ZNF331: variants seen among roughly 807,000 people sequenced by gnomAD.
ZNF331 encodes the protein zinc finger protein 331, also known as C2H2-like zinc finger protein rearranged in thyroid adenomas.
Under a neutral mutation model 7.0 loss-of-function variants are expected in ZNF331, and 2 were observed. The ratio of observed to expected loss-of-function variants is 0.29; its 90% CI spans 0.12 to 0.90. The LOEUF (loss-of-function observed/expected upper bound fraction) is 0.90, where lower values mean the gene tolerates loss of function less well. Among genes scored for constraint, ZNF331 ranks in the 40% least tolerant of loss-of-function variants. ZNF331 has a pLI of 0.58. For synonymous variants in ZNF331, 196 were observed against 205.4 expected (o/e 0.95, Z 0.39); for missense variants, 432 against 587.7 (o/e 0.74, Z 2.74).
At position 53,571,259 on chromosome 19, in the gene ZNF331, TG is replaced by T. The variant is rs2090432427; in HGVS notation, c.10-344del. Among the ~76,000 whole-genome samples, 1 of 152,186 alleles carries T rather than the reference TG, an allele frequency of 6.6e-6. No individual in the cohort carries two copies. ...CTTCCCCCCTTAAAAGAAAAAATGC[TG>T]TAGGAATCCACACTTGTTGAGAACT... On this transcript the variant is annotated intron_variant, in intron 4 of 5. Coordinates refer to ENST00000449416, the MANE Select transcript of ZNF331 (RefSeq NM_001079906.2). The surrounding 1 kb of genome is among the most constrained non-coding windows in gnomAD (Gnocchi z 4.7).
chr19:53,505,606 G>A, the ZNF331 span, among the ~76,000 whole-genome samples: 1 of 152,180 alleles, frequency 6.6e-6, no homozygotes, highest in African/African-American at 2.4e-5. Context: ...GCTAAGGATG[G>A]TGGGGTGAAG....
At chr19:53,520,337 G>C (rs1357694942), upstream of ZNF331, among the ~76,000 whole-genome samples, 1 of 152,148 alleles carries the variant, frequency 6.6e-6, no homozygotes, top group Non-Finnish European at 1.5e-5. Flanking sequence ...GTGATTTCTG[G>C]TCGTTTCAGA....
rs139408724 is a variant in ZNF331, at chr19:53,543,407, C to T, written c.-138+4125C>T. On this transcript the variant is annotated intron_variant, in intron 2 of 5. Transcript: ENST00000449416. ...CCTCCTGAGTAGCTGGGATTACAAG[C>T]GCGCACCACCATGCCCAGCTAGTTT... is the stretch of plus-strand genomic sequence containing the variant. 2.1e-3 allele frequency among the ~76,000 whole-genome samples: 317 copies of T among 152,156 alleles called. 1 individual carries two copies. The highest frequency in any genetic ancestry group is 7.4e-3 in the African/African-American group (308 of 41,510).
At chr19:53,524,411 C>T (rs1341700251) in intron 2 of ZNF331, among the ~76,000 whole-genome samples, 8 of 152,284 alleles carry the variant, frequency 5.3e-5, no homozygotes, top group Non-Finnish European at 1.2e-4. Context: ...TTCTCCACAT[C>T]CTCTCTAGCA....
chr19:53,551,728 C>T lies in ZNF331; in HGVS notation c.-137-4117C>T, dbSNP rs1054256697. 7.2e-5 allele frequency among the ~76,000 whole-genome samples: 11 copies of T among 152,132 alleles called. 1 individual carries two copies. The highest frequency in any genetic ancestry group is 2.2e-4 in the African/African-American group (9 of 41,420). On this transcript the variant is annotated intron_variant, in intron 2 of 5. Coordinates refer to ENST00000449416, the MANE Select transcript of ZNF331 (RefSeq NM_001079906.2). The stretch of plus-strand genomic sequence containing the variant: ...TTGAACATGTACAGACTTTTCTTCT[C>T]ATTATTCTAAACCATACAGTATGAA...
intron 3 of ZNF331, among the ~76,000 whole-genome samples, chr19:53,561,109 G>T (rs1281297973): frequency 6.6e-6 from 1 of 152,060 alleles, no homozygotes; most frequent in Non-Finnish European, 1.5e-5. Flanking sequence ...AGTAAGCTGG[G>T]TTCACACCAC....
rs532740365 is a variant in ZNF331, at chr19:53,556,122, A to G, written c.-74+214A>G. The stretch of plus-strand genomic sequence containing the variant: ...GCCGGGAGTGGTGGTGGGCGCCTGT[A>G]GTCCCAGCTACTCGGGAGGCTGAGG... On this transcript the variant is annotated intron_variant, in intron 3 of 5. Transcript: ENST00000449416. 7.3e-5 allele frequency among the ~76,000 whole-genome samples: 11 copies of G among 151,522 alleles called. No homozygotes were observed. In the South Asian group the frequency reaches 2.1e-3, roughly 29 times the overall value.
chr19:53,567,966 C>T (rs1338009380), intron 3 of ZNF331, among the ~76,000 whole-genome samples: 2 of 151,884 alleles, frequency 1.3e-5, no homozygotes, highest in African/African-American at 4.8e-5. Flanking sequence ...GAAAGAAGTA[C>T]GTGGCCAGGT....
upstream of ZNF331, among the ~76,000 whole-genome samples, chr19:53,533,982 AAAGT>A (rs2087641428): frequency 6.6e-6 from 1 of 152,112 alleles, no homozygotes; most frequent in African/African-American, 2.4e-5. Flanking sequence ...CTCCTACAAT[AAAGT>A]AAGCTAGAGA....
intron 2 of ZNF331, among the ~76,000 whole-genome samples, chr19:53,547,131 A>G (rs1322914886): frequency 1.3e-5 from 2 of 152,170 alleles, no homozygotes; most frequent in Non-Finnish European, 2.9e-5. Flanking sequence ...TATTCATTAT[A>G]TTTAGTCACC....
At chr19:53,512,686 A>G in the ZNF331 span, 1 of 149,962 alleles carries the variant, frequency 6.7e-6, no homozygotes, top group Non-Finnish European at 1.5e-5. Flanking sequence ...ACTGGACCGC[A>G]CATCAGGAGG....
At chr19:53,569,696 G>A (rs961098638) in intron 4 of ZNF331, among the ~76,000 whole-genome samples, 5 of 152,036 alleles carry the variant, frequency 3.3e-5, no homozygotes, top group African/African-American at 1.2e-4. Context: ...AGATATGTTG[G>A]TCCCATCTGA....
At chr19:53,568,849 C>CTTTTT (rs537822108) in intron 3 of ZNF331, among the ~76,000 whole-genome samples, 6 of 77,104 alleles carry the variant, frequency 7.8e-5, no homozygotes, top group African/African-American at 1.1e-4. Context: ...CCATGATACT[C>CTTTTT]TTTTTTTTTT....
chr19:53,546,034 G>A (rs2088573101), intron 2 of ZNF331, among the ~76,000 whole-genome samples: 2 of 151,342 alleles, frequency 1.3e-5, no homozygotes, highest in South Asian at 4.2e-4. Context: ...GGACAGGCGT[G>A]CCCTGGAGGG....
At chr19:53,526,127 C>T (rs555327315) in intron 2 of ZNF331, among the ~76,000 whole-genome samples, 5 of 152,220 alleles carry the variant, frequency 3.3e-5, no homozygotes, top group East Asian at 1.9e-4. Flanking sequence ...GGATAAATCC[C>T]GCTTGATCAT....
chr19:53,545,724 C>T (rs1168720191), intron 2 of ZNF331, among the ~76,000 whole-genome samples: 1 of 152,150 alleles, frequency 6.6e-6, no homozygotes, highest in Admixed American at 6.5e-5. Flanking sequence ...AGAGCAGCGG[C>T]CCCCAGTGGG....
chr19:53,536,772 G>T (rs1416732701), upstream of ZNF331, among the ~76,000 whole-genome samples: 1 of 152,158 alleles, frequency 6.6e-6, no homozygotes, highest in Non-Finnish European at 1.5e-5. Flanking sequence ...GCGTGGTAGC[G>T]CATGCCTGTC....
rs368399097 is a variant in ZNF331 at position 53,538,858 on chromosome 19, A to C, written c.-204-358A>C. On this transcript the variant is annotated intron_variant, in intron 1 of 5. Coordinates refer to ENST00000449416, the MANE Select transcript of ZNF331 (RefSeq NM_001079906.2). ...TTCCCCTGCCTTCACCTCCTAACCA[A>C]GCGGTACCTGCCTGAGAACAAGGGC... 4 of 152,516 alleles carry C rather than the reference A, an allele frequency of 2.6e-5. No homozygotes were observed. The East Asian group carries it at 7.7e-4, about 29-fold the overall frequency. The allele number at this position is 152,516 out of a possible 1,614,324, so 9.4% of individuals were successfully genotyped here. A position where few individuals can be genotyped will look rare whatever the true frequency, so the allele number is the denominator to read the frequency against.
intron 3 of ZNF331, among the ~76,000 whole-genome samples, chr19:53,561,303 A>G (rs914421705): frequency 3.5e-5 from 5 of 143,092 alleles, no homozygotes; most frequent in Non-Finnish European, 7.5e-5. Flanking sequence ...AATTTCTTAT[A>G]TTATAATGGG....
Sources: allele counts gnomAD v4.1 joint callset (sites outside exome capture counted in the v4.1 genomes callset), GRCh38; gene constraint gnomAD v4.1.1; non-coding constraint Gnocchi (gnomAD v3.1); transcripts MANE v1.5; gene names NCBI Gene and HGNC (gene_info 2026-07-23, HGNC 2026-07-21).